Variants in RIT2 observed in about 807,000 individuals in gnomAD.
The protein encoded by RIT2 is GTP-binding protein Rit2.
RIT2 carries 24 observed loss-of-function variants against 23.7 expected under a neutral mutation model. The ratio of observed to expected loss-of-function variants is 1.01; its 90% confidence interval spans 0.73 to 1.43. RIT2 has a LOEUF of 1.43. RIT2 is among the 40% of genes most tolerant of loss of function. The pLI, the probability that RIT2 is intolerant of heterozygous loss-of-function variation, is 0.00. For synonymous variants in RIT2, 107 were observed against 91.1 expected (o/e 1.17, Z -0.99); for missense variants, 236 against 266.9 (o/e 0.88, Z 0.81).
Position 42,743,643 on chromosome 18 carries a change from G to A in RIT2, c.504C>T (p.Phe168=). The A allele has an allele frequency of 6.2e-7, 1 of 1,614,008 alleles. No homozygotes were observed. The highest frequency in any genetic ancestry group is 8.5e-7 in the Non-Finnish European group (1 of 1,179,960). The part of the protein sequence containing the change: ...GFFETSAALR[F]CIDDAFHGLV... The stretch of plus-strand genomic sequence containing the variant: ...AGCCATGAAAAGCATCATCAATACA[G>A]AATCTGAGGGCTGCAGAGGTCTCAA... The change falls in exon 5 of 5, where the codon TTC becomes TTT. Residue 168 remains phenylalanine, a synonymous_variant. Coordinates refer to ENST00000326695, the MANE Select transcript of RIT2 (RefSeq NM_002930.4).
Position 42,904,682 on chromosome 18 carries a change from T to C in RIT2, c.426+18890A>G, listed in dbSNP as rs146192249. On this transcript the variant is annotated intron_variant, in intron 4 of 4. Transcript: ENST00000326695. ...ATAATAAAGTGGATAAAATAGATGATAGATTGGCATATACACATTTAACAT... is the reference window on the plus strand; with the variant it reads ...ATAATAAAGTGGATAAAATAGATGACAGATTGGCATATACACATTTAACAT... Among the ~76,000 whole-genome samples the C allele has an allele frequency of 1.6e-3, 246 of 152,234 alleles. 3 individuals carry two copies. Among genetic ancestry groups the C allele is most frequent in the African/African-American group, 5.6e-3 (231 of 41,524 alleles).
At chr18:43,087,691 T>C (rs1027688133) in intron 1 of RIT2, among the ~76,000 whole-genome samples, 2 of 152,118 alleles carry the variant, frequency 1.3e-5, no homozygotes, top group African/African-American at 4.8e-5. Flanking sequence ...CAGGTAAGAG[T>C]CTGAGGGCAT....
intron 1 of RIT2, among the ~76,000 whole-genome samples, chr18:43,046,219 G>A (rs1912243331): frequency 6.6e-6 from 1 of 152,140 alleles, no homozygotes; most frequent in African/African-American, 2.4e-5. Context: ...AGTCAGTGCT[G>A]TATGACATCT....
chr18:43,089,780 C>A (rs1396382809), intron 1 of RIT2, among the ~76,000 whole-genome samples: 1 of 151,896 alleles, frequency 6.6e-6, no homozygotes, highest in African/African-American at 2.4e-5. Flanking sequence ...CAAAAACAAG[C>A]AATAAGGGAA....
chr18:42,832,602 C>T (rs1235515691), intron 4 of RIT2, among the ~76,000 whole-genome samples: 1 of 152,132 alleles, frequency 6.6e-6, no homozygotes, highest in Non-Finnish European at 1.5e-5. Flanking sequence ...CATGCATGGA[C>T]TATTTAATGA....
In RIT2 at chr18:42,757,231, C is replaced by T. The variant is rs193233847; in HGVS notation, c.427-13511G>A. On this transcript the variant is annotated intron_variant, in intron 4 of 4. Transcript: ENST00000326695. ...TAAGGTTTTAACTTATTTTCATTAA[C>T]ATATCTGTGCAATTCATGCAAAGTG... is the stretch of plus-strand genomic sequence containing the variant. Among the ~76,000 whole-genome samples the T allele has an allele frequency of 3.9e-5, 6 of 152,302 alleles. No individual in the cohort carries two copies. The East Asian group carries it at 1.2e-3, about 29-fold the overall frequency.
At chr18:42,909,297 G>A (rs755942374) in intron 4 of RIT2, among the ~76,000 whole-genome samples, 6 of 152,198 alleles carry the variant, frequency 3.9e-5, no homozygotes, top group Middle Eastern at 3.4e-3. Flanking sequence ...TAAGAGTGAC[G>A]TAATGGACTT....
intron 4 of RIT2, among the ~76,000 whole-genome samples, chr18:42,770,509 G>A (rs984138746): frequency 6.6e-6 from 1 of 152,178 alleles, no homozygotes; most frequent in Non-Finnish European, 1.5e-5. Flanking sequence ...CCAAGCTCTT[G>A]AAGATGGGAT....
chr18:43,100,173 A>G (rs1456905426), intron 1 of RIT2, among the ~76,000 whole-genome samples: 3 of 152,110 alleles, frequency 2.0e-5, no homozygotes, highest in Non-Finnish European at 4.4e-5. Context: ...GTTTTTCAAT[A>G]GAATAGGCTG....
chr18:42,987,532 T>C (rs1910739357), intron 2 of RIT2, among the ~76,000 whole-genome samples: 1 of 152,176 alleles, frequency 6.6e-6, no homozygotes, highest in Non-Finnish European at 1.5e-5. Flanking sequence ...GAACACTTTA[T>C]TGCAAGCAAT....
At chr18:42,912,650 G>C (rs997044944) in intron 4 of RIT2, among the ~76,000 whole-genome samples, 85 of 151,958 alleles carry the variant, frequency 5.6e-4, no homozygotes, top group African/African-American at 2.0e-3. Context: ...ATTGGAAACA[G>C]AAATGTAATA....
intron 4 of RIT2, among the ~76,000 whole-genome samples, chr18:42,788,392 A>G (rs543033039): frequency 6.6e-6 from 1 of 152,260 alleles, no homozygotes; most frequent in South Asian, 2.1e-4. Flanking sequence ...CTGAAGTTCT[A>G]TTGCAATGTG....
intron 3 of RIT2, among the ~76,000 whole-genome samples, chr18:42,937,319 T>C (rs1393506477): frequency 6.6e-6 from 1 of 152,190 alleles, no homozygotes; most frequent in Admixed American, 6.5e-5. Context: ...CAATTTTTAT[T>C]CTTGAATAAT....
At chr18:43,052,850 A>G (rs930255003) in intron 1 of RIT2, among the ~76,000 whole-genome samples, 1 of 152,118 alleles carries the variant, frequency 6.6e-6, no homozygotes, top group Admixed American at 6.6e-5. Context: ...GCAAGTGCAG[A>G]GAAAGTGGCC....
At chr18:42,867,104 G>C (rs980206610) in intron 4 of RIT2, among the ~76,000 whole-genome samples, 1 of 152,064 alleles carries the variant, frequency 6.6e-6, no homozygotes. Context: ...TGGGAGGGAG[G>C]CTTCTTTATA....
At chr18:42,891,440 T>C (rs890164980) in intron 4 of RIT2, among the ~76,000 whole-genome samples, 1 of 152,140 alleles carries the variant, frequency 6.6e-6, no homozygotes, top group Non-Finnish European at 1.5e-5. Flanking sequence ...TCATTCAATG[T>C]CCACAGAAAA....
chr18:42,969,418 G>A (rs192706438), intron 3 of RIT2, among the ~76,000 whole-genome samples: 49 of 152,172 alleles, frequency 3.2e-4, no homozygotes, highest in South Asian at 1.7e-3. Flanking sequence ...AATTAAGCTC[G>A]TAGTAATTCA....
chr18:42,985,150 A>T (rs566329136), intron 2 of RIT2, among the ~76,000 whole-genome samples: 1 of 152,114 alleles, frequency 6.6e-6, no homozygotes, highest in Non-Finnish European at 1.5e-5. Context: ...ATGGGAAATT[A>T]GATTATTTAA....
At chr18:43,042,533 C>G (rs753550962) in intron 1 of RIT2, among the ~76,000 whole-genome samples, 1 of 152,188 alleles carries the variant, frequency 6.6e-6, no homozygotes, top group Non-Finnish European at 1.5e-5. Flanking sequence ...CTCTATATTT[C>G]TTTCAGATTA....
Sources: gnomAD v4.1 joint callset for allele counts (sites outside exome capture counted in the v4.1 genomes callset) on GRCh38, gnomAD v4.1.1 for gene constraint, MANE v1.5 for transcripts, NCBI Gene and HGNC (gene_info 2026-07-23, HGNC 2026-07-21) for gene names.